The following XPO6 variants were observed in gnomAD, a reference collection of about 807,000 sequenced individuals.
The protein encoded by XPO6 is exportin 6.
In XPO6, 3 loss-of-function variants were observed where a neutral mutation model predicts 130.0. The observed-to-expected ratio is 0.02, with a 90% CI of 0.01 to 0.06. XPO6 has a LOEUF of 0.06. Ranked by LOEUF, XPO6 falls within the 10% of genes least tolerant of loss-of-function variation. The probability of loss-of-function intolerance (pLI) is 1.00; values close to 1 mark genes in which losing one functional copy is unlikely to be tolerated. For missense variants in XPO6, 970 were observed against 1,393.0 expected (o/e 0.70, Z 4.83); for synonymous variants, 524 against 548.9 (o/e 0.95, Z 0.63).
Position 28,133,830 on chromosome 16 carries a change from C to A in XPO6, c.1536+11G>T, listed in dbSNP as rs747587065. The A allele has an allele frequency of 1.2e-4, 194 of 1,613,834 alleles. No individual in the cohort carries two copies. The Admixed American group carries it at 3.2e-3, about 27-fold the overall frequency. ...TCGCTACACTCTCCACTCCCCCGGA[C>A]AGCACATTACCAGTGTGGAGAAGGC... On this transcript the variant is annotated intron_variant, in intron 11 of 23. Transcript: ENST00000304658.
chr16:28,099,545 G>C (rs563087554), intron 23 of XPO6, among the ~76,000 whole-genome samples: 35 of 152,338 alleles, frequency 2.3e-4, no homozygotes, highest in African/African-American at 8.2e-4. Context: ...GAACACCCAG[G>C]TCTGCCTCCT....
intron 1 of XPO6, among the ~76,000 whole-genome samples, chr16:28,185,252 TG>T (rs2043675686): frequency 6.6e-6 from 1 of 151,972 alleles, no homozygotes; most frequent in Non-Finnish European, 1.5e-5. Context: ...TCCAGCTACT[TG>T]GGGGGCTGAG....
In XPO6 at chr16:28,117,298, A is replaced by T. The variant is rs750181766; in HGVS notation, c.2004+20T>A. 1 of 1,613,104 alleles carries T rather than the reference A, an allele frequency of 6.2e-7. No individual in the cohort carries two copies. The highest frequency in any genetic ancestry group is 8.5e-7 in the Non-Finnish European group (1 of 1,179,874). ...AGACAGAGAGTTAGATAAAAGGTGT[A>T]GGCTTTGCTGTTTCGAGACCTTGGT... is the stretch of plus-strand genomic sequence containing the variant. On this transcript the variant is annotated intron_variant, in intron 15 of 23. Transcript: ENST00000304658.
intron 10 of XPO6, 127 bp from the exon 11 acceptor site, chr16:28,134,060 T>C (rs997623160): frequency 3.5e-6 from 3 of 859,752 alleles, no homozygotes; most frequent in African/African-American, 1.7e-5. Context: ...TATCTGGTAC[T>C]ATAAAAAGGC....
In XPO6 at chr16:28,211,845, A is replaced by G. The variant is rs1284607246; in HGVS notation, c.-477T>C. The G allele has an allele frequency of 5.2e-6, 1 of 194,000 alleles. No homozygotes were observed. Among genetic ancestry groups the G allele is most frequent in the East Asian group, 1.3e-4 (1 of 7,924 alleles). 12.0% of individuals were successfully genotyped at this position (194,000 alleles called of 1,614,324 possible). ...GCCCGGGGGCCCGCGCTGTCCTCGC[A>G]GCCTCAACCCACACGGCCACTGCCG... On this transcript the variant is annotated 5_prime_UTR_variant, in exon 1 of 24. Transcript: ENST00000304658.
chr16:28,106,303 A>G lies in XPO6; in HGVS notation c.2612+80T>C. 1 of 1,607,376 alleles carries G rather than the reference A, an allele frequency of 6.2e-7. No homozygotes were observed. The highest frequency in any genetic ancestry group is 8.5e-7 in the Non-Finnish European group (1 of 1,174,888). ...CATGCTGTGGCAAGTGCAGAACAGG[A>G]GCAAAAAGCCACACTTTGTCGCCAG... On this transcript the variant is annotated intron_variant, in intron 19 of 23. Coordinates refer to ENST00000304658, the MANE Select transcript of XPO6 (RefSeq NM_015171.4). This position sits in a 1 kb window ranked among gnomAD's most constrained non-coding sequence, Gnocchi z 4.2.
chr16:28,135,120 A>C, intron 10 of XPO6, 96 bp downstream of exon 10: 1 of 936,764 alleles, frequency 1.1e-6, no homozygotes, highest in East Asian at 2.5e-5. Flanking sequence ...GTTTCAGAAC[A>C]GTCTTCGGAG....
rs750818758 is a variant in XPO6, at chr16:28,152,736, G to A, written c.1147C>T (p.Leu383=). ...TGGGAGTAAGACTCGATTCTTCTTA[G>A]GTGAACACTCACAAAGAGCCGAAGA... ...DFLRLFVSVH[L]RRIESYSQFP... The change falls in exon 8 of 24, where the codon CTA becomes TTA. Residue 383 remains leucine (L), a synonymous_variant. Transcript: ENST00000304658. 2.5e-6 allele frequency: 4 copies of A among 1,613,550 alleles called. No individual in the cohort carries two copies. Among genetic ancestry groups the A allele is most frequent in the African/African-American group, 2.7e-5 (2 of 74,886 alleles).
chr16:28,160,412 G>A (rs1205210111), intron 6 of XPO6, among the ~76,000 whole-genome samples: 2 of 148,454 alleles, frequency 1.3e-5, no homozygotes, highest in South Asian at 2.1e-4. Flanking sequence ...GCTGAGGCAG[G>A]AGAATCGCTT....
At chr16:28,127,181 A>G (rs139171670) in intron 12 of XPO6, among the ~76,000 whole-genome samples, 56 of 152,090 alleles carry the variant, frequency 3.7e-4, no homozygotes, top group African/African-American at 1.2e-3. Context: ...TGTCATCCAG[A>G]TCCACTGGTA....
rs546182642 is a variant in XPO6, at chr16:28,144,551, C to T, written c.1334+1543G>A. ...TCAGCCTCCCATGTGGCTGAGACTA[C>T]AGGTACATACTACCACATCTAGGTC... On this transcript the variant is annotated intron_variant, in intron 9 of 23. Transcript: ENST00000304658. Among the ~76,000 whole-genome samples the T allele has an allele frequency of 2.0e-5, 3 of 152,296 alleles. No individual in the cohort carries two copies. In the South Asian group the frequency reaches 6.2e-4, roughly 32 times the overall value.
intron 1 of XPO6, among the ~76,000 whole-genome samples, chr16:28,203,254 C>T (rs988707997): frequency 1.4e-5 from 2 of 146,944 alleles, no homozygotes; most frequent in African/African-American, 5.1e-5. Context: ...CCAGCCTGGG[C>T]GACGGAGTAA....
At chr16:28,171,452 C>CAAAA (rs36000498) in intron 4 of XPO6, among the ~76,000 whole-genome samples, 2 of 99,102 alleles carry the variant, frequency 2.0e-5, no homozygotes, top group African/African-American at 8.1e-5. Context: ...GACTCTGTCT[C>CAAAA]AAAAAAAAAA....
rs1482732565 is a variant in XPO6 at position 28,211,569 on chromosome 16, A to G, written c.-201T>C. 3 of 447,582 alleles carry G rather than the reference A, an allele frequency of 6.7e-6. No homozygotes were observed. Among genetic ancestry groups the G allele is most frequent in the Non-Finnish European group, 1.2e-5 (3 of 260,288 alleles). 27.7% of individuals were successfully genotyped at this position (447,582 alleles called of 1,614,324 possible). ...TCGCCTCATCGGGGGACCCCGAGAC[A>G]ATTCATCCAGACCCACCCGCCCCTC... On this transcript the variant is annotated 5_prime_UTR_variant, in exon 1 of 24. Transcript: ENST00000304658.
At position 28,111,881 on chromosome 16, in the gene XPO6, G is replaced by A; in HGVS notation, c.2277C>T (p.Ser759=). The A allele has an allele frequency of 6.2e-7, 1 of 1,614,208 alleles. No homozygotes were observed. The highest frequency in any genetic ancestry group is 8.5e-7 in the Non-Finnish European group (1 of 1,180,034). ...INHASLISAL[S]RDYRNLKPSA... is the part of the protein sequence containing the mutation. ...TGGGCTTCAGGTTGCGATAGTCCCG[G>A]GAGAGTGCAGAGATGAGGCTGGCGT... Residue 759 remains serine (S), a synonymous_variant, in exon 17 of 24, where the codon TCC becomes TCT. Transcript: ENST00000304658.
chr16:28,152,837 G>C, intron 7 of XPO6, 52 bp from the exon 8 acceptor site: 1 of 1,585,232 alleles, frequency 6.3e-7, no homozygotes, highest in Non-Finnish European at 8.5e-7. Flanking sequence ...CACCTCCTTA[G>C]AACTTAAATT....
chr16:28,107,514 G>A lies in XPO6; in HGVS notation c.2497+8C>T, dbSNP rs376978943. ...ACCCACCAGTGGGGCCTCTGGGCCA[G>A]CTCCTACCTGACTGATGGATAAAAG... is the stretch of plus-strand genomic sequence containing the variant. On this transcript the variant is annotated splice_region_variant and intron_variant, in intron 18 of 23. Transcript: ENST00000304658. 23 of 1,613,902 alleles carry A rather than the reference G, an allele frequency of 1.4e-5. No homozygotes were observed. The highest frequency in any genetic ancestry group is 2.2e-5 in the East Asian group (1 of 44,880).
chr16:28,134,473 G>A (rs1016969433), intron 10 of XPO6, among the ~76,000 whole-genome samples: 1 of 152,194 alleles, frequency 6.6e-6, no homozygotes, highest in Non-Finnish European at 1.5e-5. Flanking sequence ...TTTGGGAGAT[G>A]AGGACATTAA....
intron 8 of XPO6, among the ~76,000 whole-genome samples, chr16:28,151,798 C>G (rs575312477): frequency 2.6e-5 from 4 of 152,312 alleles, no homozygotes; most frequent in Non-Finnish European, 4.4e-5. Flanking sequence ...GAGGCCCAGA[C>G]AGGAGGCTCA....
Sources: gnomAD v4.1 joint callset for allele counts (sites outside exome capture counted in the v4.1 genomes callset) on GRCh38, gnomAD v4.1.1 for gene constraint, Gnocchi (gnomAD v3.1) non-coding constraint, MANE v1.5 for transcripts, NCBI Gene and HGNC (gene_info 2026-07-23, HGNC 2026-07-21) for gene names.